ACACB: variants seen among roughly 807,000 people sequenced by gnomAD.
ACACB encodes the protein acetyl-CoA carboxylase beta, also known as acetyl-CoA carboxylase 2.
A neutral mutation model predicts 278.8 loss-of-function variants in ACACB; 209 were observed. That is an observed-to-expected ratio of 0.75 (90% CI 0.67 to 0.84). The LOEUF is 0.84. ACACB is among the 40% of genes least tolerant of loss of function. ACACB has a pLI of 0.00. For missense variants in ACACB, 2,850 were observed against 3,269.0 expected (o/e 0.87, Z 3.13); for synonymous variants, 1,174 against 1,285.6 (o/e 0.91, Z 1.86).
At chr12:109,113,503 TATAAA>T (rs1228867543), upstream of ACACB, 2 of 152,256 alleles carry the variant, frequency 1.3e-5, no homozygotes, top group Non-Finnish European at 2.9e-5. Flanking sequence ...AACGTCCAGT[TATAAA>T]ATAATTAATT....
At chr12:109,195,038 C>T (rs576658263) in intron 16 of ACACB, among the ~76,000 whole-genome samples, 1 of 152,216 alleles carries the variant, frequency 6.6e-6, no homozygotes, top group South Asian at 2.1e-4. Flanking sequence ...CTTTGTGGGC[C>T]ATCCAAGGTC....
At chr12:109,220,384 T>C (rs1029942345) in intron 24 of ACACB, among the ~76,000 whole-genome samples, 1 of 152,198 alleles carries the variant, frequency 6.6e-6, no homozygotes, top group African/African-American at 2.4e-5. Flanking sequence ...ATGAATTTTT[T>C]TGAGGCTTTT....
chr12:109,148,842 C>A (rs186250971), intron 2 of ACACB, among the ~76,000 whole-genome samples: 8 of 152,140 alleles, frequency 5.3e-5, no homozygotes, highest in Non-Finnish European at 1.0e-4. Context: ...CTTAGAGGGA[C>A]TGTAAAGAGT....
Position 109,237,287 on chromosome 12 carries a change from C to T in ACACB, c.4569C>T (p.Tyr1523=), listed in dbSNP as rs1183007150. ...GTGCCAACCACAAGATGCACCTTTA[C>T]CTGGGTGCTGCCAAGGTGAAGGAAG... is the stretch of plus-strand genomic sequence containing the variant. The part of the protein sequence containing the change: ...VPCANHKMHL[Y]LGAAKVKEGV... Residue 1523 remains tyrosine, a synonymous_variant, in exon 34 of 53, where the codon TAC becomes TAT. Transcript: ENST00000338432. 1 of 1,614,090 alleles carries T rather than the reference C, an allele frequency of 6.2e-7. No individual in the cohort carries two copies. Among genetic ancestry groups the T allele is most frequent in the African/African-American group, 1.3e-5 (1 of 74,928 alleles).
At chr12:109,233,410 G>C (rs1203867962) in intron 29 of ACACB, among the ~76,000 whole-genome samples, 1 of 152,114 alleles carries the variant, frequency 6.6e-6, no homozygotes, top group East Asian at 1.9e-4. Context: ...CTTTGACTCG[G>C]GGTGAGGTGA....
chr12:109,205,827 G>T (rs2045487685), intron 19 of ACACB, among the ~76,000 whole-genome samples: 1 of 152,054 alleles, frequency 6.6e-6, no homozygotes, highest in Non-Finnish European at 1.5e-5. Flanking sequence ...GGGGTAGAGG[G>T]TGGGCAGGAA....
chr12:109,225,545 G>A (rs759820298), intron 27 of ACACB, among the ~76,000 whole-genome samples: 1 of 152,202 alleles, frequency 6.6e-6, no homozygotes, highest in Non-Finnish European at 1.5e-5. Context: ...ATTCTTGACA[G>A]GGAATGGTGG....
At chr12:109,117,047 CTT>C (rs71747045) in intron 1 of ACACB, among the ~76,000 whole-genome samples, 12 of 109,060 alleles carry the variant, frequency 1.1e-4, no homozygotes, top group East Asian at 5.3e-4. Flanking sequence ...AATGGTTGTT[CTT>C]TTTTTTTTTT....
At chr12:109,252,858 A>G (rs1381624210) in intron 42 of ACACB, among the ~76,000 whole-genome samples, 157 bp from the exon 43 acceptor site, 1 of 152,240 alleles carries the variant, frequency 6.6e-6, no homozygotes, top group Non-Finnish European at 1.5e-5. Flanking sequence ...AGATTCTGAT[A>G]TAATTGGTCT....
intron 4 of ACACB, among the ~76,000 whole-genome samples, chr12:109,171,435 C>T (rs780995515): frequency 5.3e-5 from 8 of 151,966 alleles, no homozygotes; most frequent in South Asian, 2.1e-4. Flanking sequence ...CTGCTACCTC[C>T]GCCTCCTGGG....
rs1230117884 is a variant in ACACB, at chr12:109,176,219, C to T, written c.1393C>T (p.Arg465Trp). Residue 465 changes from arginine (R) to tryptophan (W), a missense_variant, in exon 9 of 53, where the codon CGG becomes TGG. This residue lies in a region of ACACB where 2,265 missense variants were observed against 2,561.3 expected (regional missense o/e 0.88). Transcript: ENST00000338432. Reference protein sequence around the residue: ...ASEGGGGKGIRKAESAEDFPI... With the variant: ...ASEGGGGKGIWKAESAEDFPI... ...TGAAGGTGGCGGAGGGAAGGGAATC[C>T]GGAAGGCTGAGAGTGCGGAGGACTT... The T allele has an allele frequency of 2.4e-5, 39 of 1,614,034 alleles. No individual in the cohort carries two copies. The highest frequency in any genetic ancestry group is 3.1e-5 in the Non-Finnish European group (37 of 1,180,022).
intron 22 of ACACB, among the ~76,000 whole-genome samples, chr12:109,213,146 C>T (rs371961646): frequency 7.2e-5 from 11 of 152,234 alleles, no homozygotes; most frequent in African/African-American, 1.9e-4. Context: ...TCACTGCAAC[C>T]TCCGCCTCCC....
chr12:109,247,069 G>A (rs2046967121), intron 39 of ACACB, among the ~76,000 whole-genome samples: 1 of 152,090 alleles, frequency 6.6e-6, no homozygotes, highest in East Asian at 1.9e-4. Context: ...GCAACTGAGT[G>A]AGACCCCCCA....
rs539397998 is a variant in ACACB, at chr12:109,178,504, T to G, written c.1438-584T>G. On this transcript the variant is annotated intron_variant, in intron 9 of 52. Transcript: ENST00000338432. ...AAGAAAGCCAGTTTGGACACCAAAC[T>G]CTTTAACAGTGCAATATCTTTAGGG... Among the ~76,000 whole-genome samples the G allele has an allele frequency of 1.7e-3, 259 of 152,346 alleles. 2 individuals carry two copies. Among genetic ancestry groups the G allele is most frequent in the African/African-American group, 5.7e-3 (239 of 41,586 alleles).
chr12:109,129,554 C>A (rs530704138), intron 1 of ACACB, among the ~76,000 whole-genome samples: 1 of 152,238 alleles, frequency 6.6e-6, no homozygotes. Flanking sequence ...AAAATGGTCT[C>A]CCTGGGCCCC....
chr12:109,220,302 C>G (rs895240872), intron 24 of ACACB, among the ~76,000 whole-genome samples: 1 of 152,192 alleles, frequency 6.6e-6, no homozygotes, highest in Admixed American at 6.5e-5. Flanking sequence ...ATAGTGAGTT[C>G]TCTGCACCTG....
intron 35 of ACACB, 56 bp downstream of exon 35, chr12:109,240,041 G>A: frequency 6.3e-7 from 1 of 1,578,726 alleles, no homozygotes; most frequent in South Asian, 1.2e-5. Flanking sequence ...TCTGAGCCAT[G>A]CTGCTTTGGG....
At chr12:109,174,002 T>C in intron 6 of ACACB, 130 bp from the exon 7 acceptor site, 1 of 666,560 alleles carries the variant, frequency 1.5e-6, no homozygotes, top group East Asian at 2.9e-5. Flanking sequence ...CCTTGAGAGC[T>C]GGGACCAGAG....
At chr12:109,233,493 C>T (rs1430756708) in intron 29 of ACACB, among the ~76,000 whole-genome samples, 1 of 152,180 alleles carries the variant, frequency 6.6e-6, no homozygotes, top group Non-Finnish European at 1.5e-5. Context: ...TGCCTGAAAG[C>T]GCTGGAATCC....
Sources: allele counts gnomAD v4.1 joint callset (sites outside exome capture counted in the v4.1 genomes callset), GRCh38; gene constraint gnomAD v4.1.1; regional missense constraint gnomAD v4.1.1; transcripts MANE v1.5; gene names NCBI Gene and HGNC (gene_info 2026-07-23, HGNC 2026-07-21).